ZNF532: variants seen among roughly 807,000 people sequenced by gnomAD.
ZNF532 encodes zinc finger protein 532.
Under a neutral mutation model 89.3 loss-of-function variants are expected in ZNF532, and 22 were observed. That is an observed-to-expected ratio of 0.25 (90% CI 0.18 to 0.35). The LOEUF is 0.35. Ranked by LOEUF, ZNF532 falls within the 10% of genes least tolerant of loss-of-function variation. ZNF532 has a pLI of 1.00. For synonymous variants in ZNF532, 606 were observed against 649.6 expected, an observed-to-expected ratio of 0.93 and a Z score of 1.02; for missense variants, 1,132 against 1,643.4, an observed-to-expected ratio of 0.69 and a Z score of 5.38.
rs759356020 is a variant in ZNF532 at position 58,939,583 on chromosome 18, C to G, written c.2667C>G (p.Ala889=). 12 of 1,613,924 alleles carry G rather than the reference C, an allele frequency of 7.4e-6. No individual in the cohort carries two copies. The East Asian group carries it at 2.5e-4, about 33-fold the overall frequency. Residue 889 remains alanine (A), a synonymous_variant, in exon 5 of 10, where the codon GCC becomes GCG. Coordinates refer to ENST00000591808, the MANE Select transcript of ZNF532 (RefSeq NM_001375912.1). Reference sequence around the variant, plus strand: ...CTGCCCCAAGCACACATTCCCACGCCTACACACAGCATCCTGGCATCAAGA... The same window carrying G: ...CTGCCCCAAGCACACATTCCCACGCGTACACACAGCATCCTGGCATCAAGA... ...FKSAPSTHSH[A]YTQHPGIKIG...
chr18:58,863,524 C>CGGTG (rs2056144813), upstream of ZNF532: 3 of 6,976 alleles, frequency 4.3e-4, no homozygotes, highest in Admixed American at 1.6e-3. Flanking sequence ...GCCGCCGCCG[C>CGGTG]CCGGCCCGGC....
chr18:58,880,771 C>CGCGCGTGTGTGTGTGTGTGT (rs1440107025), intron 2 of ZNF532, among the ~76,000 whole-genome samples: 11 of 145,372 alleles, frequency 7.6e-5, no homozygotes, highest in Non-Finnish European at 1.5e-4. Context: ...CACGCGCGCG[C>CGCGCGTGTGTGTGTGTGTGT]GTCTGTGTGT....
intron 5 of ZNF532, among the ~76,000 whole-genome samples, chr18:58,942,258 G>A (rs967916764): frequency 3.4e-5 from 5 of 148,256 alleles, no homozygotes; most frequent in Admixed American, 6.7e-5. Flanking sequence ...TCCTGACCTC[G>A]TGATCCGCCC....
rs1367509836 is a variant in ZNF532, at chr18:58,918,323, T to G, written c.36T>G (p.Asp12Glu). 6.2e-7 allele frequency: 1 copy of G among 1,614,118 alleles called. No individual in the cohort carries two copies. The highest frequency in any genetic ancestry group is 8.5e-7 in the Non-Finnish European group (1 of 1,179,990). Residue 12 changes from aspartate to glutamate, a missense_variant, in exon 3 of 10, where the codon GAT (aspartate) becomes GAG (glutamate). This residue lies in a region of ZNF532 where 15 missense variants were observed against 43.6 expected (regional missense o/e 0.34). Transcript: ENST00000591808. ...TMGDMKTPDF[D>E]DLLAAFDIPD... ...GGGATATGAAGACCCCAGACTTTGA[T>G]GACCTCCTGGCAGCATTTGACATCC... is the stretch of plus-strand genomic sequence containing the variant.
chr18:58,958,868 T>C (rs934717304), intron 7 of ZNF532, among the ~76,000 whole-genome samples: 2 of 152,246 alleles, frequency 1.3e-5, no homozygotes, highest in African/African-American at 2.4e-5. Context: ...CATGTACAAA[T>C]GCACAGAGTT....
rs781591283 is a variant in ZNF532, at chr18:58,918,813, C to G, written c.526C>G (p.Leu176Val). 1 of 1,614,152 alleles carries G rather than the reference C, an allele frequency of 6.2e-7. No homozygotes were observed. Among genetic ancestry groups the G allele is most frequent in the Non-Finnish European group, 8.5e-7 (1 of 1,180,036 alleles). The change falls in exon 3 of 10, where the codon CTG becomes GTG. Residue 176 changes from leucine (L) to valine (V), a missense_variant. Leu to Val is a conservative substitution (Grantham distance 32, BLOSUM62 1). Around this residue, in one of 9 missense-constraint regions of ZNF532, gnomAD observed 302 missense variants for 319.8 expected, o/e 0.94. Coordinates refer to ENST00000591808, the MANE Select transcript of ZNF532 (RefSeq NM_001375912.1). The stretch of plus-strand genomic sequence containing the variant: ...GGCTCCCCAGCAGGACTACGATAAG[C>G]TGAAGGCACTCGGAGGGGAAAACTC... ...GSAPQQDYDK[L>V]KALGGENSSK...
At chr18:58,964,594 CT>C (rs963572008) in intron 7 of ZNF532, among the ~76,000 whole-genome samples, 46 of 110,052 alleles carry the variant, frequency 4.2e-4, no homozygotes, top group East Asian at 1.1e-3. Flanking sequence ...CACAGTTTTT[CT>C]TTTTTTTTTT....
At chr18:58,872,381 C>G (rs553209143) in intron 2 of ZNF532, among the ~76,000 whole-genome samples, 1 of 152,294 alleles carries the variant, frequency 6.6e-6, no homozygotes, top group African/African-American at 2.4e-5. Flanking sequence ...CCAAGGCTGA[C>G]TCCCGGGGCT....
At chr18:58,897,883 C>T (rs527529477) in intron 2 of ZNF532, among the ~76,000 whole-genome samples, 6 of 152,196 alleles carry the variant, frequency 3.9e-5, no homozygotes, top group Non-Finnish European at 7.4e-5. Flanking sequence ...AATTCAGAGG[C>T]GGAGGTTGCA....
chr18:58,887,333 T>C (rs2058376902), intron 2 of ZNF532, among the ~76,000 whole-genome samples: 1 of 152,248 alleles, frequency 6.6e-6, no homozygotes, highest in African/African-American at 2.4e-5. Context: ...TTTTGTTTTC[T>C]GAAGAGAAAC....
chr18:58,877,163 G>GCC (rs745521651), intron 2 of ZNF532, among the ~76,000 whole-genome samples: 5 of 152,172 alleles, frequency 3.3e-5, no homozygotes, highest in Non-Finnish European at 7.3e-5. Context: ...CACCGTTTCT[G>GCC]CCCCCTTGCC....
intron 7 of ZNF532, among the ~76,000 whole-genome samples, chr18:58,976,269 CATTG>C (rs748025356): frequency 4.6e-5 from 7 of 152,212 alleles, no homozygotes; most frequent in Non-Finnish European, 7.3e-5. Context: ...GTCTCTCTCA[CATTG>C]ATTGATCTTT....
At chr18:58,978,214 G>C (rs2067279873) in intron 7 of ZNF532, among the ~76,000 whole-genome samples, 1 of 152,132 alleles carries the variant, frequency 6.6e-6, no homozygotes, top group Non-Finnish European at 1.5e-5. Context: ...AAGTATACCA[G>C]CAGGCAGCCT....
Position 58,984,340 on chromosome 18 carries a change from C to T in ZNF532, c.3780C>T (p.Ala1260=), listed in dbSNP as rs568312860. 7.1e-5 allele frequency: 114 copies of T among 1,611,822 alleles called. No homozygotes were observed. The Middle Eastern group carries it at 1.6e-3, about 22-fold the overall frequency. The change falls in exon 10 of 10, where the codon GCC becomes GCT. Residue 1260 remains alanine, a synonymous_variant. Transcript: ENST00000591808. ...ACGAGGATGAATCCCCTGATGGCGC[C>T]GTGTCAGACAGAAAGTGCAAAGTGT... The part of the protein sequence containing the change: ...PSHEDESPDG[A]VSDRKCKVCA...
chr18:58,876,510 A>T (rs1290336092), intron 2 of ZNF532, among the ~76,000 whole-genome samples: 2 of 152,086 alleles, frequency 1.3e-5, no homozygotes, highest in African/African-American at 4.8e-5. Context: ...GGGGGCCAGG[A>T]CTGTTTTTTT....
chr18:58,878,933 A>G (rs1189822997), intron 2 of ZNF532, among the ~76,000 whole-genome samples: 2 of 152,214 alleles, frequency 1.3e-5, no homozygotes, highest in African/African-American at 2.4e-5. Flanking sequence ...CACATGGGCA[A>G]ACAATGCTGT....
At chr18:58,926,557 A>G (rs28520754) in intron 3 of ZNF532, among the ~76,000 whole-genome samples, 9,909 of 152,242 alleles carry the variant, frequency 0.065, 550 homozygotes, top group African/African-American at 0.15. Context: ...CATGTTGGTC[A>G]GGCTGGTCTC....
At chr18:58,962,330 G>A (rs575600382) in intron 7 of ZNF532, among the ~76,000 whole-genome samples, 1 of 152,202 alleles carries the variant, frequency 6.6e-6, no homozygotes, top group Non-Finnish European at 1.5e-5. Flanking sequence ...TTGCTAGTGT[G>A]AGGTGGATAT....
At chr18:58,949,645 C>T (rs191348622) in intron 6 of ZNF532, among the ~76,000 whole-genome samples, 1 of 152,178 alleles carries the variant, frequency 6.6e-6, no homozygotes, top group Non-Finnish European at 1.5e-5. Context: ...CACTGCACTC[C>T]AGCCTGGGCG....
Sources: gnomAD v4.1 joint callset for allele counts (sites outside exome capture counted in the v4.1 genomes callset) on GRCh38, gnomAD v4.1.1 for gene constraint, gnomAD v4.1.1 regional missense constraint, MANE v1.5 for transcripts, NCBI Gene and HGNC (gene_info 2026-07-23, HGNC 2026-07-21) for gene names.